C12orf75: variants seen among roughly 807,000 people sequenced by gnomAD.
The protein encoded by C12orf75 is overexpressed in colon carcinoma 1 protein.
C12orf75 carries 4 observed loss-of-function variants against 11.4 expected under a neutral mutation model. The ratio of observed to expected loss-of-function variants is 0.35; its 90% confidence interval spans 0.17 to 0.80. The LOEUF (loss-of-function observed/expected upper bound fraction) is 0.80, where lower values mean the gene tolerates loss of function less well. Ranked by LOEUF, C12orf75 falls within the 30% of genes least tolerant of loss-of-function variation. The probability of loss-of-function intolerance (pLI) is 0.52; values close to 1 mark genes in which losing one functional copy is unlikely to be tolerated. For synonymous variants in C12orf75, 30 were observed against 30.0 expected, an observed-to-expected ratio of 1.00 and a Z score of 0.00; for missense variants, 89 against 80.4, an observed-to-expected ratio of 1.11 and a Z score of -0.41.
At position 105,352,943 on chromosome 12, in the gene C12orf75, T is replaced by G. The variant is rs141221420; in HGVS notation, c.71+4317T>G. Reference sequence around the variant, plus strand: ...ATTAAATCACAGTGCAGTAACACACTGAACAAAACAAACAAAACAGTGAAT... The same window carrying G: ...ATTAAATCACAGTGCAGTAACACACGGAACAAAACAAACAAAACAGTGAAT... On this transcript the variant is annotated intron_variant, in intron 2 of 5. Coordinates refer to ENST00000443585, the MANE Select transcript of C12orf75 (RefSeq NM_001145199.2). Among the ~76,000 whole-genome samples, 391 of 152,338 alleles carry G rather than the reference T, an allele frequency of 2.6e-3. 1 individual carries two copies. The highest frequency in any genetic ancestry group is 9.1e-3 in the African/African-American group (380 of 41,578).
At position 105,330,738 on chromosome 12, in the gene C12orf75, C is replaced by A; in HGVS notation, c.-154C>A. ...GCCCGCTGCGCCCCGGGCCGCGTCT[C>A]CCGGCGGTGGGAGGGGGCGGCCCCC... On this transcript the variant is annotated 5_prime_UTR_variant, in exon 1 of 6. Transcript: ENST00000443585. 1 of 707,042 alleles carries A rather than the reference C, an allele frequency of 1.4e-6. No individual in the cohort carries two copies. The highest frequency in any genetic ancestry group is 1.9e-6 in the Non-Finnish European group (1 of 529,620). The allele number at this position is 707,042 out of a possible 1,614,324, so 43.8% of individuals were successfully genotyped here. A position where few individuals can be genotyped will look rare whatever the true frequency, so the allele number is the denominator to read the frequency against.
chr12:105,370,587 T>C (rs1382239722), intron 5 of C12orf75, 47 bp from the exon 6 acceptor site: 3 of 457,628 alleles, frequency 6.6e-6, no homozygotes, highest in Admixed American at 4.7e-5. Context: ...TTAACCTAAG[T>C]TGTACCTGTT....
intron 2 of C12orf75, among the ~76,000 whole-genome samples, chr12:105,353,984 A>G (rs1007866678): frequency 1.3e-5 from 2 of 152,222 alleles, no homozygotes; most frequent in Non-Finnish European, 2.9e-5. Context: ...AAAAGAAATG[A>G]TAAATCTTTT....
chr12:105,357,807 T>A lies in C12orf75; in HGVS notation c.72-8000T>A, dbSNP rs12711452. Among the ~76,000 whole-genome samples, 1,091 of 122,922 alleles carry A rather than the reference T, an allele frequency of 8.9e-3. 6 individuals carry two copies. Among genetic ancestry groups the A allele is most frequent in the African/African-American group, 0.02 (587 of 28,796 alleles). The allele number at this position is 122,922 out of a possible 152,430, so 80.6% of individuals were successfully genotyped here. A position where few individuals can be genotyped will look rare whatever the true frequency, so the allele number is the denominator to read the frequency against. On this transcript the variant is annotated intron_variant, in intron 2 of 5. Coordinates refer to ENST00000443585, the MANE Select transcript of C12orf75 (RefSeq NM_001145199.2). ...GTGTGTGTGTGTGTGTGTGTGTGTG[T>A]GAGAGAGAGAGAGAGAGAGAGAGGA...
At chr12:105,361,481 CA>C (rs1359538670) in intron 2 of C12orf75, among the ~76,000 whole-genome samples, 1 of 152,112 alleles carries the variant, frequency 6.6e-6, no homozygotes, top group Non-Finnish European at 1.5e-5. Flanking sequence ...CAGTTTTGAA[CA>C]GCCACTTCTC....
intron 2 of C12orf75, among the ~76,000 whole-genome samples, chr12:105,361,595 A>G (rs376461728): frequency 6.6e-6 from 1 of 152,178 alleles, no homozygotes; most frequent in African/African-American, 2.4e-5. Flanking sequence ...ACCTGAGGCA[A>G]TCGCATTGGC....
At chr12:105,367,877 A>T (rs1318084452) in intron 5 of C12orf75, among the ~76,000 whole-genome samples, 2 of 152,196 alleles carry the variant, frequency 1.3e-5, no homozygotes, top group African/African-American at 4.8e-5. Flanking sequence ...ATTAGAATCG[A>T]TTTTAAGTGG....
chr12:105,336,867 G>A (rs935785192), intron 1 of C12orf75, among the ~76,000 whole-genome samples: 1 of 152,156 alleles, frequency 6.6e-6, no homozygotes, highest in African/African-American at 2.4e-5. Context: ...GAGAGGTGTG[G>A]AGACCCCTCT....
Position 105,348,611 on chromosome 12 carries a change from G to A in C12orf75, c.56G>A (p.Gly19Glu), listed in dbSNP as rs1390655712. The A allele has an allele frequency of 2.4e-5, 37 of 1,538,318 alleles. No homozygotes were observed. The highest frequency in any genetic ancestry group is 3.0e-5 in the Non-Finnish European group (34 of 1,139,726). The change falls in exon 2 of 6, where the codon GGA becomes GAA. Residue 19 changes from glycine to glutamate, a missense_variant. Transcript: ENST00000443585. ...TTCTTTTTTTCTCTAGGCCCTGCAG[G>A]AGCAGCCAAAGATGTGTAAGTATTG... is the stretch of plus-strand genomic sequence containing the variant. ...TSAGAGQGPAGAAKDVTEESV... is the reference protein window; with the variant it reads ...TSAGAGQGPAEAAKDVTEESV...
chr12:105,357,582 T>C (rs1309186608), intron 2 of C12orf75, among the ~76,000 whole-genome samples: 5 of 152,226 alleles, frequency 3.3e-5, no homozygotes, highest in African/African-American at 4.8e-5. Context: ...ACAGTTTTAT[T>C]AATGCTATGA....
chr12:105,356,349 T>TTTCCA (rs1456194383), intron 2 of C12orf75, among the ~76,000 whole-genome samples: 1 of 151,788 alleles, frequency 6.6e-6, no homozygotes, highest in East Asian at 1.9e-4. Context: ...GTCTCCAGGG[T>TTTCCA]TTCCATATTC....
At chr12:105,349,062 C>T (rs895767292) in intron 2 of C12orf75, among the ~76,000 whole-genome samples, 3 of 152,142 alleles carry the variant, frequency 2.0e-5, no homozygotes, top group African/African-American at 2.4e-5. Flanking sequence ...ACTAGATATT[C>T]GAATGAATAT....
chr12:105,354,127 G>A (rs1485647642), intron 2 of C12orf75, among the ~76,000 whole-genome samples: 1 of 152,156 alleles, frequency 6.6e-6, no homozygotes, highest in Non-Finnish European at 1.5e-5. Context: ...TGTAGTAGAA[G>A]GTAACGCTGT....
Position 105,352,243 on chromosome 12 carries a change from C to T in C12orf75, c.71+3617C>T, listed in dbSNP as rs547646171. ...GTGTCATGATGGCCACATTGGTCAC[C>T]CTGGGGACTGTAGTTTCAGTTGAGC... On this transcript the variant is annotated intron_variant, in intron 2 of 5. Transcript: ENST00000443585. Among the ~76,000 whole-genome samples the T allele has an allele frequency of 2.6e-5, 4 of 152,036 alleles. No individual in the cohort carries two copies. In the East Asian group the frequency reaches 7.8e-4, roughly 29 times the overall value.
At chr12:105,334,000 A>G (rs1368700139) in intron 1 of C12orf75, among the ~76,000 whole-genome samples, 1 of 152,084 alleles carries the variant, frequency 6.6e-6, no homozygotes, top group Non-Finnish European at 1.5e-5. Flanking sequence ...TGTCTGGTGG[A>G]CTTGGTTAAC....
chr12:105,337,837 A>G (rs1201208762), intron 1 of C12orf75, among the ~76,000 whole-genome samples: 5 of 152,188 alleles, frequency 3.3e-5, no homozygotes, highest in Admixed American at 1.3e-4. Context: ...TAACCTTGCC[A>G]TATGAATGCA....
At chr12:105,363,534 G>A (rs1395664947) in intron 2 of C12orf75, among the ~76,000 whole-genome samples, 1 of 152,122 alleles carries the variant, frequency 6.6e-6, no homozygotes, top group East Asian at 1.9e-4. Flanking sequence ...AGACCATCCT[G>A]GCCAACATGT....
chr12:105,331,030 C>A, intron 1 of C12orf75, 93 bp downstream of exon 1: 1 of 788,184 alleles, frequency 1.3e-6, no homozygotes, highest in Non-Finnish European at 1.7e-6. Flanking sequence ...GGCGCGCAGC[C>A]CCCTCTCCCC....
At chr12:105,343,233 T>C (rs971401382) in intron 1 of C12orf75, among the ~76,000 whole-genome samples, 8 of 152,228 alleles carry the variant, frequency 5.3e-5, no homozygotes, top group African/African-American at 1.9e-4. Context: ...GTGTGTTTTT[T>C]TTCCCCACAA....
Sources: allele counts gnomAD v4.1 joint callset (sites outside exome capture counted in the v4.1 genomes callset), GRCh38; gene constraint gnomAD v4.1.1; transcripts MANE v1.5; gene names NCBI Gene and HGNC (gene_info 2026-07-23, HGNC 2026-07-21).